CSMD1: variants seen among roughly 807,000 people sequenced by gnomAD.
CSMD1 encodes the protein CUB and Sushi multiple domains 1.
CSMD1 carries 213 observed loss-of-function variants against 417.5 expected under a neutral mutation model. The ratio of observed to expected loss-of-function variants is 0.51; its 90% CI spans 0.46 to 0.57. The LOEUF is 0.57. CSMD1 is among the 20% of genes least tolerant of loss of function. The pLI is 0.00. For synonymous variants in CSMD1, 2,862 were observed against 1,736.8 expected (o/e 1.65, Z -16.11); for missense variants, 6,923 against 4,529.7 (o/e 1.53, Z -15.17).
intron 5 of CSMD1, among the ~76,000 whole-genome samples, chr8:3,778,229 C>T (rs983148041): frequency 6.7e-6 from 1 of 148,320 alleles, no homozygotes; most frequent in African/African-American, 2.5e-5. Context: ...GTCTGTGGAA[C>T]TGACTATTTT....
intron 6 of CSMD1, among the ~76,000 whole-genome samples, chr8:3,746,834 T>C (rs998796541): frequency 1.4e-4 from 21 of 152,176 alleles, no homozygotes; most frequent in Non-Finnish European, 2.8e-4. Flanking sequence ...TTTTATCTTC[T>C]TTGATGAAGG....
intron 2 of CSMD1, among the ~76,000 whole-genome samples, chr8:4,472,382 C>T (rs892582771): frequency 6.6e-6 from 1 of 152,032 alleles, no homozygotes; most frequent in Non-Finnish European, 1.5e-5. Flanking sequence ...TCTGTAGTAA[C>T]AGTGCTTCAC....
chr8:3,302,647 G>A (rs912570707), intron 25 of CSMD1, among the ~76,000 whole-genome samples: 1 of 152,164 alleles, frequency 6.6e-6, no homozygotes, highest in Non-Finnish European at 1.5e-5. Flanking sequence ...CTGAATAGCA[G>A]GCACCCTGTG....
intron 10 of CSMD1, among the ~76,000 whole-genome samples, chr8:3,500,256 T>G (rs977739499): frequency 6.6e-6 from 1 of 152,210 alleles, no homozygotes; most frequent in Admixed American, 6.5e-5. Flanking sequence ...CTTGTCATTT[T>G]GGTTCCTCTT....
intron 10 of CSMD1, among the ~76,000 whole-genome samples, chr8:3,534,484 A>G (rs1035423132): frequency 6.6e-6 from 1 of 151,052 alleles, no homozygotes; most frequent in Admixed American, 6.6e-5. Flanking sequence ...TCTCATGCTC[A>G]GCGATAAGTA....
intron 12 of CSMD1, among the ~76,000 whole-genome samples, chr8:3,461,526 C>A (rs1816503369): frequency 2.0e-5 from 3 of 152,196 alleles, no homozygotes; most frequent in Admixed American, 6.5e-5. Flanking sequence ...GCTCCCCGAT[C>A]TCTCAAATTA....
chr8:4,508,357 C>T (rs551979703), intron 2 of CSMD1, among the ~76,000 whole-genome samples: 1 of 151,980 alleles, frequency 6.6e-6, no homozygotes, highest in Admixed American at 6.6e-5. Flanking sequence ...ATGGGACTTC[C>T]AGTTAGTTCA....
At chr8:4,173,663 C>G (rs1329778892) in intron 3 of CSMD1, among the ~76,000 whole-genome samples, 1 of 152,080 alleles carries the variant, frequency 6.6e-6, no homozygotes, top group South Asian at 2.1e-4. Flanking sequence ...AGACCCAAAA[C>G]TGTGATAACT....
chr8:3,412,006 A>G (rs368093717), intron 12 of CSMD1, among the ~76,000 whole-genome samples: 2,647 of 27,808 alleles, frequency 0.095, 1,120 homozygotes, highest in Middle Eastern at 0.4. Context: ...ATATACACGT[A>G]TATATATACA....
chr8:3,782,887 T>G (rs1358443640), intron 5 of CSMD1, among the ~76,000 whole-genome samples: 1 of 152,172 alleles, frequency 6.6e-6, no homozygotes, highest in Non-Finnish European at 1.5e-5. Flanking sequence ...CGTGAGCCAT[T>G]ACCAAAAAAT....
At chr8:3,369,010 A>G (rs1378411659) in intron 19 of CSMD1, among the ~76,000 whole-genome samples, 1 of 152,184 alleles carries the variant, frequency 6.6e-6, no homozygotes, top group East Asian at 1.9e-4. Flanking sequence ...TTTCAAGCTT[A>G]TGTTCACATG....
intron 1 of CSMD1, among the ~76,000 whole-genome samples, chr8:4,941,448 C>A (rs1469685299): frequency 6.6e-6 from 1 of 152,232 alleles, no homozygotes; most frequent in East Asian, 1.9e-4. Flanking sequence ...CCATGTTGTA[C>A]AACAAGTGTG....
intron 1 of CSMD1, among the ~76,000 whole-genome samples, chr8:4,946,039 C>A (rs551258609): frequency 1.3e-5 from 2 of 152,118 alleles, no homozygotes; most frequent in Non-Finnish European, 2.9e-5. Flanking sequence ...AGACTTCTCC[C>A]GTCTGCTGTG....
chr8:4,158,339 T>A (rs1796953002), intron 3 of CSMD1, among the ~76,000 whole-genome samples: 1 of 151,750 alleles, frequency 6.6e-6, no homozygotes, highest in African/African-American at 2.4e-5. Context: ...ACTGCAAAAA[T>A]ACATTGCAAA....
At chr8:3,406,825 T>A (rs1812370834) in intron 14 of CSMD1, among the ~76,000 whole-genome samples, 1 of 152,194 alleles carries the variant, frequency 6.6e-6, no homozygotes, top group African/African-American at 2.4e-5. Context: ...TATTCTTACA[T>A]AAAATAGGTT....
At chr8:2,942,929 T>C (rs979384949) in intron 68 of CSMD1, among the ~76,000 whole-genome samples, 3 of 152,244 alleles carry the variant, frequency 2.0e-5, no homozygotes, top group African/African-American at 4.8e-5. Context: ...AAAACATTTA[T>C]GTATTTTTTC....
At chr8:2,989,462 C>A (rs529863313) in intron 54 of CSMD1, among the ~76,000 whole-genome samples, 1 of 152,308 alleles carries the variant, frequency 6.6e-6, no homozygotes, top group South Asian at 2.1e-4. Flanking sequence ...CCATTAACCT[C>A]CTCCTCCATC....
At chr8:3,909,525 T>C (rs1018067834) in intron 5 of CSMD1, among the ~76,000 whole-genome samples, 1 of 152,098 alleles carries the variant, frequency 6.6e-6, no homozygotes, top group Admixed American at 6.6e-5. Flanking sequence ...TCCCACAGCG[T>C]GGTCGCTCTC....
At chr8:3,210,036 A>G (rs889562963) in intron 30 of CSMD1, among the ~76,000 whole-genome samples, 4 of 152,206 alleles carry the variant, frequency 2.6e-5, no homozygotes, top group East Asian at 1.9e-4. Context: ...CAGGAAAAAC[A>G]TTACCCCACG....
Sources: allele counts gnomAD v4.1 joint callset (sites outside exome capture counted in the v4.1 genomes callset), GRCh38; gene constraint gnomAD v4.1.1; transcripts MANE v1.5; gene names NCBI Gene and HGNC (gene_info 2026-07-23, HGNC 2026-07-21).